ANGPT4: variants seen among roughly 807,000 people sequenced by gnomAD.
ANGPT4 encodes the protein angiopoietin 4.
Under a neutral mutation model 53.0 loss-of-function variants are expected in ANGPT4, and 50 were observed. The observed-to-expected ratio is 0.94, with a 90% CI of 0.75 to 1.20. ANGPT4 has a LOEUF of 1.20. Ranked by LOEUF, ANGPT4 falls within the 50% of genes most tolerant of loss-of-function variation. The pLI is 0.00. For synonymous variants in ANGPT4, 251 were observed against 259.7 expected, an observed-to-expected ratio of 0.97 and a Z score of 0.32; for missense variants, 648 against 637.1, an observed-to-expected ratio of 1.02 and a Z score of -0.18.
In ANGPT4 at chr20:881,197, C is replaced by T. The variant is rs201715387; in HGVS notation, c.925G>A (p.Val309Met). The change falls in exon 5 of 9, where the codon GTG (valine) becomes ATG (methionine). Residue 309 changes from valine (V) to methionine (M), a missense_variant. Val to Met is a conservative substitution (Grantham distance 21). Coordinates refer to ENST00000381922, the MANE Select transcript of ANGPT4 (RefSeq NM_015985.4). Reference protein sequence around the residue: ...ASASGVYTIQVSNATKPRKVF... With the variant: ...ASASGVYTIQMSNATKPRKVF... The stretch of plus-strand genomic sequence containing the variant: ...TTCCTGGGCTTCGTTGCATTGGACA[C>T]CTGGATGGTGTAGACACCACTGGCA... The T allele has an allele frequency of 1.9e-6, 3 of 1,605,434 alleles. No individual in the cohort carries two copies. The highest frequency in any genetic ancestry group is 2.2e-5 in the East Asian group (1 of 44,744).
rs559805060 is a variant in ANGPT4 at position 911,013 on chromosome 20, G to T, written c.309+4893C>A. Among the ~76,000 whole-genome samples, 1 of 152,276 alleles carries T rather than the reference G, an allele frequency of 6.6e-6. No individual in the cohort carries two copies. The highest frequency in any genetic ancestry group is 2.4e-5 in the African/African-American group (1 of 41,564). On this transcript the variant is annotated intron_variant, in intron 1 of 8. Transcript: ENST00000381922. The surrounding 1 kb of genome is among the most constrained non-coding windows in gnomAD (Gnocchi z 4.9). ...GTGAGGTTAGGAAATCAAACCCCAA[G>T]ATATTTTGTTCGGCACCGAGACTCA...
Position 880,198 on chromosome 20 carries a change from C to T in ANGPT4, c.952-350G>A, listed in dbSNP as rs77129619. ...ACAGTGCCTGGCAGTACTAGGTAAA[C>T]GGAAGCTCGACCTCTTTTTGTTGAA... On this transcript the variant is annotated intron_variant, in intron 5 of 8. Transcript: ENST00000381922. Among the ~76,000 whole-genome samples the T allele has an allele frequency of 2.4e-3, 359 of 152,216 alleles. 1 individual carries two copies. The highest frequency in any genetic ancestry group is 8.3e-3 in the African/African-American group (346 of 41,508).
intron 1 of ANGPT4, among the ~76,000 whole-genome samples, chr20:892,649 G>A (rs1053267679): frequency 4.0e-5 from 6 of 151,228 alleles, no homozygotes; most frequent in African/African-American, 1.5e-4. Context: ...TCATCCTCCT[G>A]TATACCTCCA....
Position 873,227 on chromosome 20 carries a change from C to T in ANGPT4, c.1352-107G>A, listed in dbSNP as rs374715470. On this transcript the variant is annotated intron_variant, in intron 8 of 8. Coordinates refer to ENST00000381922, the MANE Select transcript of ANGPT4 (RefSeq NM_015985.4). ...GAACAAAGACTAATCGGGGCTGTTG[C>T]CTCCTCTGGGAAGCCAGCTGGCTGG... is the stretch of plus-strand genomic sequence containing the variant. 3.3e-5 allele frequency: 39 copies of T among 1,190,046 alleles called. No individual in the cohort carries two copies. The African/African-American group carries it at 4.0e-4, about 12-fold the overall frequency. 73.7% of individuals were successfully genotyped at this position (1,190,046 alleles called of 1,614,324 possible).
In ANGPT4 at chr20:872,728, G is replaced by C; in HGVS notation, c.*232C>G. 1.8e-6 allele frequency: 1 copy of C among 543,378 alleles called. No homozygotes were observed. The highest frequency in any genetic ancestry group is 2.2e-5 in the South Asian group (1 of 44,894). 33.7% of individuals were successfully genotyped at this position (543,378 alleles called of 1,614,324 possible). On this transcript the variant is annotated 3_prime_UTR_variant, in exon 9 of 9. Transcript: ENST00000381922. The stretch of plus-strand genomic sequence containing the variant: ...CCCCTGAAGGGGGAGGGAGAGAAGA[G>C]GGGCGAGGACTACATCAGAGGGATG...
chr20:902,311 T>C (rs893297871), intron 1 of ANGPT4, among the ~76,000 whole-genome samples: 1 of 152,052 alleles, frequency 6.6e-6, no homozygotes, highest in Non-Finnish European at 1.5e-5. Flanking sequence ...GATCTGTGAA[T>C]AGAATTCAAG....
At chr20:906,972 A>G (rs1319001207) in intron 1 of ANGPT4, among the ~76,000 whole-genome samples, 3 of 152,122 alleles carry the variant, frequency 2.0e-5, no homozygotes, top group African/African-American at 4.8e-5. Flanking sequence ...CCAAACATCC[A>G]GTGTGGTCTG....
chr20:879,458 TCTC>T (rs1287316743), intron 6 of ANGPT4, among the ~76,000 whole-genome samples: 1 of 152,136 alleles, frequency 6.6e-6, no homozygotes, highest in East Asian at 1.9e-4. Flanking sequence ...TTTTATTCTG[TCTC>T]CTCCTTTGTA....
chr20:899,994 C>A (rs995972569), intron 1 of ANGPT4, among the ~76,000 whole-genome samples: 202 of 152,332 alleles, frequency 1.3e-3, no homozygotes, highest in African/African-American at 4.7e-3. Flanking sequence ...ACCTATCAAT[C>A]TCTTCCCACA....
rs1471028316 is a variant in ANGPT4 at position 911,622 on chromosome 20, C to T, written c.309+4284G>A. Among the ~76,000 whole-genome samples the T allele has an allele frequency of 6.6e-6, 1 of 152,052 alleles. No homozygotes were observed. Among genetic ancestry groups the T allele is most frequent in the Non-Finnish European group, 1.5e-5 (1 of 67,998 alleles). On this transcript the variant is annotated intron_variant, in intron 1 of 8. Coordinates refer to ENST00000381922, the MANE Select transcript of ANGPT4 (RefSeq NM_015985.4). The surrounding 1 kb of genome is among the most constrained non-coding windows in gnomAD (Gnocchi z 4.9). ...CAGTGAGTCAGGGCCACCGCGAGAG[C>T]CCCAGGAGAGATCCACAGAGGCAGA...
At chr20:874,448 G>A (rs1460655062) in intron 7 of ANGPT4, 34 bp from the exon 8 acceptor site, 1 of 1,611,550 alleles carries the variant, frequency 6.2e-7, no homozygotes, top group Non-Finnish European at 8.5e-7. Context: ...GTGGCAGAAG[G>A]GCCCAGAGTC....
At chr20:882,928 T>C (rs901464914) in intron 4 of ANGPT4, among the ~76,000 whole-genome samples, 3 of 152,234 alleles carry the variant, frequency 2.0e-5, no homozygotes, top group African/African-American at 7.2e-5. Flanking sequence ...GGCATAAGAA[T>C]AGGATGGACT....
intron 8 of ANGPT4, 107 bp downstream of exon 8, chr20:874,177 C>T: frequency 1.3e-6 from 2 of 1,532,406 alleles, no homozygotes; most frequent in Non-Finnish European, 1.8e-6. Flanking sequence ...AGACCTGCAC[C>T]CATCCTCCTG....
chr20:898,213 G>A (rs1982131165), intron 1 of ANGPT4, among the ~76,000 whole-genome samples: 1 of 152,044 alleles, frequency 6.6e-6, no homozygotes, highest in Non-Finnish European at 1.5e-5. Flanking sequence ...GGCTGAGCCA[G>A]GTCCCAATTC....
chr20:909,441 C>T (rs1982614481), intron 1 of ANGPT4, among the ~76,000 whole-genome samples: 1 of 152,144 alleles, frequency 6.6e-6, no homozygotes, highest in African/African-American at 2.4e-5. Flanking sequence ...AGGTCTTTCT[C>T]ATAGTTACAC....
chr20:912,511 T>C (rs566762384), intron 1 of ANGPT4, among the ~76,000 whole-genome samples: 4 of 152,242 alleles, frequency 2.6e-5, no homozygotes, highest in African/African-American at 9.6e-5. Context: ...CTCATCCATA[T>C]GAGCGGGGTG....
intron 1 of ANGPT4, among the ~76,000 whole-genome samples, chr20:895,633 G>C (rs557008865): frequency 6.6e-6 from 1 of 152,274 alleles, no homozygotes; most frequent in East Asian, 1.9e-4. Flanking sequence ...GAGGAGATCT[G>C]CTCAAGCCTG....
chr20:902,155 A>G (rs546609158), intron 1 of ANGPT4, among the ~76,000 whole-genome samples: 5 of 152,292 alleles, frequency 3.3e-5, no homozygotes, highest in African/African-American at 9.6e-5. Flanking sequence ...GGTGATGGTG[A>G]TGGCGTTTTC....
At chr20:903,336 A>C (rs977941394) in intron 1 of ANGPT4, among the ~76,000 whole-genome samples, 2 of 152,140 alleles carry the variant, frequency 1.3e-5, no homozygotes, top group Non-Finnish European at 2.9e-5. Context: ...CACATCCTGC[A>C]TCCAATCTGT....
Sources: allele counts gnomAD v4.1 joint callset (sites outside exome capture counted in the v4.1 genomes callset), GRCh38; gene constraint gnomAD v4.1.1; non-coding constraint Gnocchi (gnomAD v3.1); transcripts MANE v1.5; gene names NCBI Gene and HGNC (gene_info 2026-07-23, HGNC 2026-07-21).